The following KIRREL3 variants were observed in gnomAD, a reference collection of about 807,000 sequenced individuals.
KIRREL3 encodes the protein kirre like nephrin family adhesion molecule 3.
A neutral mutation model predicts 89.7 loss-of-function variants in KIRREL3; 36 were observed. That is an observed-to-expected ratio of 0.40 (90% CI 0.31 to 0.53). The LOEUF (loss-of-function observed/expected upper bound fraction) is 0.53, where lower values mean the gene tolerates loss of function less well. Among genes scored for constraint, KIRREL3 ranks in the 20% least tolerant of loss-of-function variants. KIRREL3 has a pLI of 0.49. For synonymous variants in KIRREL3, 445 were observed against 441.4 expected (o/e 1.01, Z -0.10); for missense variants, 864 against 1,056.6 (o/e 0.82, Z 2.53).
At chr11:126,998,287 A>G (rs868553910) in intron 1 of KIRREL3, among the ~76,000 whole-genome samples, 2 of 152,256 alleles carry the variant, frequency 1.3e-5, no homozygotes, top group South Asian at 4.1e-4. Context: ...AGTGAAGTCC[A>G]TAAAACACCT....
chr11:126,832,200 C>G (rs1230757651), intron 1 of KIRREL3, among the ~76,000 whole-genome samples: 1 of 152,116 alleles, frequency 6.6e-6, no homozygotes, highest in African/African-American at 2.4e-5. Flanking sequence ...TAAGGATGAT[C>G]CTAGGTGCAC....
chr11:126,859,160 G>A (rs1944629749), intron 1 of KIRREL3, among the ~76,000 whole-genome samples: 1 of 152,232 alleles, frequency 6.6e-6, no homozygotes, highest in Non-Finnish European at 1.5e-5. Context: ...CAAAGAGAAA[G>A]AAGCCCTGTC....
chr11:126,518,408 G>C (rs1056824904), intron 4 of KIRREL3, among the ~76,000 whole-genome samples: 1 of 152,206 alleles, frequency 6.6e-6, no homozygotes, highest in African/African-American at 2.4e-5. Context: ...ACCCCCGGGG[G>C]CCTCCCTCTG....
intron 4 of KIRREL3, among the ~76,000 whole-genome samples, chr11:126,481,661 G>A (rs1957222146): frequency 6.6e-6 from 1 of 152,148 alleles, no homozygotes; most frequent in Non-Finnish European, 1.5e-5. Context: ...CTGAAGTATC[G>A]CTCAGATTTG....
At chr11:126,533,075 G>C in intron 2 of KIRREL3, among the ~76,000 whole-genome samples, 1 of 152,140 alleles carries the variant, frequency 6.6e-6, no homozygotes, top group East Asian at 1.9e-4. Flanking sequence ...CCAAAGTGCT[G>C]AGATTACAGG....
intron 6 of KIRREL3, among the ~76,000 whole-genome samples, chr11:126,457,227 A>G (rs28524117): frequency 8.6e-5 from 9 of 104,882 alleles, no homozygotes; most frequent in Non-Finnish European, 1.3e-4. Context: ...ATGTGTGTGT[A>G]TGCATGTGTA....
At chr11:126,700,721 G>A (rs576710638) in intron 1 of KIRREL3, among the ~76,000 whole-genome samples, 5 of 152,068 alleles carry the variant, frequency 3.3e-5, no homozygotes, top group African/African-American at 9.7e-5. Flanking sequence ...GACTCATCCC[G>A]CTATTCAGCA....
At chr11:126,779,054 G>T (rs1950249144) in intron 1 of KIRREL3, among the ~76,000 whole-genome samples, 1 of 152,168 alleles carries the variant, frequency 6.6e-6, no homozygotes, top group Non-Finnish European at 1.5e-5. Context: ...CCCTTATCTG[G>T]ATGGCTAAAT....
intron 1 of KIRREL3, among the ~76,000 whole-genome samples, chr11:126,849,685 G>A (rs1389365992): frequency 6.6e-6 from 1 of 152,182 alleles, no homozygotes; most frequent in East Asian, 1.9e-4. Flanking sequence ...GCGGTGGGGA[G>A]AACGGGCACT....
chr11:126,596,998 G>A (rs1942429165), intron 1 of KIRREL3, among the ~76,000 whole-genome samples: 1 of 152,208 alleles, frequency 6.6e-6, no homozygotes, highest in Admixed American at 6.5e-5. Context: ...TCTTTACAAA[G>A]TCATTCAGAG....
intron 1 of KIRREL3, among the ~76,000 whole-genome samples, chr11:126,834,291 C>A (rs948078358): frequency 1.3e-5 from 2 of 152,184 alleles, no homozygotes; most frequent in African/African-American, 4.8e-5. Flanking sequence ...TGATTTCTTT[C>A]CAGGGCTTAC....
rs1353812816 is a variant in KIRREL3, at chr11:126,969,185, CAA to C, written c.55+31268_55+31269del. On this transcript the variant is annotated intron_variant, in intron 1 of 16. Transcript: ENST00000525144. This position sits in a 1 kb window ranked among gnomAD's most constrained non-coding sequence, Gnocchi z 4.9. ...CTAAACCGCGAAAACAGGCCTGGGG[CAA>C]AAGAGTCCGTAGATACCGCAGTCAA... Among the ~76,000 whole-genome samples, 3 of 152,024 alleles carry C rather than the reference CAA, an allele frequency of 2.0e-5. No individual in the cohort carries two copies. The highest frequency in any genetic ancestry group is 7.2e-5 in the African/African-American group (3 of 41,380).
At position 126,736,847 on chromosome 11, in the gene KIRREL3, C is replaced by G. The variant is rs1044608925; in HGVS notation, c.56-173935G>C. Among the ~76,000 whole-genome samples, 4 of 152,174 alleles carry G rather than the reference C, an allele frequency of 2.6e-5. No homozygotes were observed. The highest frequency in any genetic ancestry group is 9.7e-5 in the African/African-American group (4 of 41,446). ...CACCATACATCCCCCACAGTCCTCC[C>G]CCACCCTGTGCTGCCCAGGAAAAAG... is the stretch of plus-strand genomic sequence containing the variant. On this transcript the variant is annotated intron_variant, in intron 1 of 16. Transcript: ENST00000525144. The surrounding 1 kb of genome is among the most constrained non-coding windows in gnomAD (Gnocchi z 5.0).
chr11:126,719,140 C>T lies in KIRREL3; in HGVS notation c.56-156228G>A, dbSNP rs903216282. ...TCACTGTCTCCTTCATCTAGACAAA[C>T]GCATTTCCCTTCATTCCGACACTCG... is the stretch of plus-strand genomic sequence containing the variant. On this transcript the variant is annotated intron_variant, in intron 1 of 16. Transcript: ENST00000525144. This position sits in a 1 kb window ranked among gnomAD's most constrained non-coding sequence, Gnocchi z 4.7. Among the ~76,000 whole-genome samples the T allele has an allele frequency of 1.3e-5, 2 of 152,188 alleles. No individual in the cohort carries two copies. Among genetic ancestry groups the T allele is most frequent in the African/African-American group, 4.8e-5 (2 of 41,448 alleles).
chr11:126,956,049 G>A (rs910059815), intron 1 of KIRREL3, among the ~76,000 whole-genome samples: 1 of 152,158 alleles, frequency 6.6e-6, no homozygotes, highest in Non-Finnish European at 1.5e-5. Context: ...TTCTGTCATT[G>A]AGTGACACAT....
intron 1 of KIRREL3, among the ~76,000 whole-genome samples, chr11:126,751,665 A>AG (rs752638632): frequency 5.9e-5 from 9 of 151,694 alleles, no homozygotes; most frequent in East Asian, 1.9e-4. Context: ...ATTCTTTTTG[A>AG]GGAAAAAAAA....
chr11:126,604,095 G>A (rs193216722), intron 1 of KIRREL3, among the ~76,000 whole-genome samples: 1 of 152,110 alleles, frequency 6.6e-6, no homozygotes, highest in East Asian at 1.9e-4. Flanking sequence ...TATCCATTCA[G>A]TAATATTTAC....
intron 1 of KIRREL3, among the ~76,000 whole-genome samples, chr11:126,932,743 T>C (rs909483759): frequency 1.3e-5 from 2 of 152,254 alleles, no homozygotes; most frequent in East Asian, 3.8e-4. Context: ...ACAGCTTCTA[T>C]GTGTTAGAAA....
In KIRREL3 at chr11:126,710,361, G is replaced by A. The variant is rs1316892318; in HGVS notation, c.56-147449C>T. Among the ~76,000 whole-genome samples, 1 of 152,164 alleles carries A rather than the reference G, an allele frequency of 6.6e-6. No homozygotes were observed. The highest frequency in any genetic ancestry group is 1.5e-5 in the Non-Finnish European group (1 of 68,032). The stretch of plus-strand genomic sequence containing the variant: ...AGTGTGGCACCCCATTCTTCCCATT[G>A]AGCCCTCTCCTCTTCCTGTTGAAGT... On this transcript the variant is annotated intron_variant, in intron 1 of 16. Transcript: ENST00000525144. The surrounding 1 kb of genome is among the most constrained non-coding windows in gnomAD (Gnocchi z 4.2).
Sources: allele counts gnomAD v4.1 joint callset (sites outside exome capture counted in the v4.1 genomes callset), GRCh38; gene constraint gnomAD v4.1.1; non-coding constraint Gnocchi (gnomAD v3.1); transcripts MANE v1.5; gene names NCBI Gene and HGNC (gene_info 2026-07-23, HGNC 2026-07-21).